The following UBB variants were observed in gnomAD, a reference collection of about 807,000 sequenced individuals.
UBB encodes the protein polyubiquitin-B.
In UBB, 11 loss-of-function variants were observed where a neutral mutation model predicts 12.5. The ratio of observed to expected loss-of-function variants is 0.88; its 90% CI spans 0.55 to 1.45. The LOEUF (loss-of-function observed/expected upper bound fraction) is 1.45. UBB is among the 40% of genes most tolerant of loss of function. The pLI, the probability that UBB is intolerant of heterozygous loss-of-function variation, is 0.00. For missense variants in UBB, 76 were observed against 286.9 expected (o/e 0.26, Z 5.31); for synonymous variants, 168 against 120.1 (o/e 1.40, Z -2.61).
In UBB at chr17:16,381,883, T is replaced by A. The variant is rs2093276831; in HGVS notation, c.-6-19T>A. 1.2e-6 allele frequency: 2 copies of A among 1,613,040 alleles called. No individual in the cohort carries two copies. The highest frequency in any genetic ancestry group is 2.2e-5 in the South Asian group (2 of 91,032). ...CAATGATCCTGAGGTGACACGCTTATGTTTTACTTTTAAACTAGGTCAAAA... is the reference window on the plus strand; with the variant it reads ...CAATGATCCTGAGGTGACACGCTTAAGTTTTACTTTTAAACTAGGTCAAAA... On this transcript the variant is annotated intron_variant, in intron 1 of 1. Coordinates refer to ENST00000302182, the MANE Select transcript of UBB (RefSeq NM_018955.4).
Position 16,381,140 on chromosome 17 carries a change from G to C in UBB, c.-51G>C, listed in dbSNP as rs1296766210. On this transcript the variant is annotated 5_prime_UTR_variant, in exon 1 of 2. Transcript: ENST00000302182. ...GGTGAGCTTGTTTGTGTCCCTGTGG[G>C]TGGACGTGGTTGGTGATTGGCAGGA... The C allele has an allele frequency of 6.6e-6, 1 of 152,222 alleles. No individual in the cohort carries two copies. The highest frequency in any genetic ancestry group is 2.4e-5 in the African/African-American group (1 of 41,222). 9.4% of individuals were successfully genotyped at this position (152,222 alleles called of 1,614,324 possible). A position where few individuals can be genotyped will look rare whatever the true frequency, so the allele number is the denominator to read the frequency against.
upstream of UBB, chr17:16,380,920 C>T (rs550280188): frequency 2.0e-5 from 3 of 153,646 alleles, no homozygotes; most frequent in Non-Finnish European, 1.5e-5. Flanking sequence ...TTTTTAGGAG[C>T]CTTTCTTACG....
upstream of UBB, chr17:16,381,046 GA>G (rs2093272883): frequency 6.5e-6 from 1 of 153,318 alleles, no homozygotes; most frequent in East Asian, 1.9e-4. Flanking sequence ...GGTGATAAGT[GA>G]CGCAACACTC....
At chr17:16,380,947 G>A (rs2093272502), upstream of UBB, 1 of 153,638 alleles carries the variant, frequency 6.5e-6, no homozygotes, top group Non-Finnish European at 1.5e-5. Flanking sequence ...AGGAATTTGG[G>A]GCTCAGTTGA....
Position 16,382,304 on chromosome 17 carries a change from T to G in UBB, c.397T>G (p.Ser133Ala). ...GKQLEDGRTLSDYNIQKESTL... is the reference protein window; with the variant it reads ...GKQLEDGRTLADYNIQKESTL... Reference sequence around the variant, plus strand: ...GCAGCTGGAAGATGGCCGCACTCTTTCTGACTACAACATCCAGAAGGAGTC... The same window carrying G: ...GCAGCTGGAAGATGGCCGCACTCTTGCTGACTACAACATCCAGAAGGAGTC... The change falls in exon 2 of 2, where the codon TCT (serine) becomes GCT (alanine). Residue 133 changes from serine to alanine, a missense_variant. Ser to Ala is a moderately conservative substitution (Grantham distance 99). Transcript: ENST00000302182. 6.2e-7 allele frequency: 1 copy of G among 1,602,348 alleles called. No homozygotes were observed. The highest frequency in any genetic ancestry group is 1.1e-5 in the South Asian group (1 of 90,676).
intron 1 of UBB, 180 bp from the exon 2 acceptor site, chr17:16,381,722 T>C: frequency 1.1e-6 from 1 of 889,250 alleles, no homozygotes; most frequent in South Asian, 1.8e-5. Context: ...CGTTGAAACC[T>C]TGAATGACGA....
chr17:16,382,642 T>C lies in UBB; in HGVS notation c.*45T>C. 6.2e-7 allele frequency: 1 copy of C among 1,606,018 alleles called. No individual in the cohort carries two copies. The highest frequency in any genetic ancestry group is 8.5e-7 in the Non-Finnish European group (1 of 1,175,098). Reference sequence around the variant, plus strand: ...GCAGTGCCCAGTGATGGCATTACTCTGCACTATAGCCATTTGCCCCAACTT... The same window carrying C: ...GCAGTGCCCAGTGATGGCATTACTCCGCACTATAGCCATTTGCCCCAACTT... On this transcript the variant is annotated 3_prime_UTR_variant, in exon 2 of 2. Coordinates refer to ENST00000302182, the MANE Select transcript of UBB (RefSeq NM_018955.4).
In UBB at chr17:16,382,656, T is replaced by G; in HGVS notation, c.*59T>G. 6.3e-7 allele frequency: 1 copy of G among 1,585,146 alleles called. No homozygotes were observed. The highest frequency in any genetic ancestry group is 8.6e-7 in the Non-Finnish European group (1 of 1,162,976). On this transcript the variant is annotated 3_prime_UTR_variant, in exon 2 of 2. Transcript: ENST00000302182. ...TGGCATTACTCTGCACTATAGCCAT[T>G]TGCCCCAACTTAAGTTTAGAAATTA...
intron 1 of UBB, 37 bp from the exon 2 acceptor site, chr17:16,381,865 C>A: frequency 6.2e-7 from 1 of 1,607,750 alleles, no homozygotes; most frequent in Non-Finnish European, 8.5e-7. Flanking sequence ...ATACAATGAT[C>A]CTGAGGTGAC....
Position 16,381,159 on chromosome 17 carries a change from G to T in UBB, c.-32G>T, listed in dbSNP as rs75327805. On this transcript the variant is annotated 5_prime_UTR_variant, in exon 1 of 2. Coordinates refer to ENST00000302182, the MANE Select transcript of UBB (RefSeq NM_018955.4). Reference sequence around the variant, plus strand: ...CTGTGGGTGGACGTGGTTGGTGATTGGCAGGATCCTGGTATCCGCTAACAG... The same window carrying T: ...CTGTGGGTGGACGTGGTTGGTGATTTGCAGGATCCTGGTATCCGCTAACAG... 1,028 of 152,146 alleles carry T rather than the reference G, an allele frequency of 6.8e-3. 3 individuals are homozygous for T. The highest frequency in any genetic ancestry group is 0.011 in the Non-Finnish European group (744 of 68,372). 9.4% of individuals were successfully genotyped at this position (152,146 alleles called of 1,614,324 possible).
upstream of UBB, chr17:16,381,034 G>A (rs1049196427): frequency 1.3e-5 from 2 of 153,574 alleles, no homozygotes; most frequent in African/African-American, 4.8e-5. Context: ...GTCTACGTGA[G>A]GGGTGATAAG....
intron 1 of UBB, 105 bp from the exon 2 acceptor site, chr17:16,381,797 A>G (rs1461205284): frequency 1.1e-5 from 15 of 1,366,484 alleles, no homozygotes; most frequent in African/African-American, 4.4e-5. Context: ...TAACGTATTT[A>G]AGGCATTTTG....
chr17:16,381,899 T>A lies in UBB; in HGVS notation c.-6-3T>A. 6 of 1,613,984 alleles carry A rather than the reference T, an allele frequency of 3.7e-6. No individual in the cohort carries two copies. Among genetic ancestry groups the A allele is most frequent in the Non-Finnish European group, 5.1e-6 (6 of 1,179,902 alleles). On this transcript the variant is annotated splice_polypyrimidine_tract_variant and splice_region_variant and intron_variant, in intron 1 of 1. Transcript: ENST00000302182. ...ACACGCTTATGTTTTACTTTTAAAC[T>A]AGGTCAAAATGCAGATCTTCGTGAA...
Position 16,381,894 on chromosome 17 carries a change from T to G in UBB, c.-6-8T>G, listed in dbSNP as rs754933132. 7.4e-6 allele frequency: 12 copies of G among 1,613,704 alleles called. No individual in the cohort carries two copies. The African/African-American group carries it at 1.2e-4, about 16-fold the overall frequency. ...AGGTGACACGCTTATGTTTTACTTT[T>G]AAACTAGGTCAAAATGCAGATCTTC... On this transcript the variant is annotated splice_polypyrimidine_tract_variant and splice_region_variant and intron_variant, in intron 1 of 1. Coordinates refer to ENST00000302182, the MANE Select transcript of UBB (RefSeq NM_018955.4).
At position 16,381,759 on chromosome 17, in the gene UBB, T is replaced by G. The variant is rs374724851; in HGVS notation, c.-6-143T>G. Reference sequence around the variant, plus strand: ...TTTCGTATTAAGTGACTTAGCCTTGTAAAATTGAGGGGAGGCTTGCGGAAT... The same window carrying G: ...TTTCGTATTAAGTGACTTAGCCTTGGAAAATTGAGGGGAGGCTTGCGGAAT... On this transcript the variant is annotated intron_variant, in intron 1 of 1. Coordinates refer to ENST00000302182, the MANE Select transcript of UBB (RefSeq NM_018955.4). 5.3e-6 allele frequency: 6 copies of G among 1,141,886 alleles called. No individual in the cohort carries two copies. In the African/African-American group the frequency reaches 7.9e-5, roughly 15 times the overall value. The allele number at this position is 1,141,886 out of a possible 1,614,324, so 70.7% of individuals were successfully genotyped here. A position where few individuals can be genotyped will look rare whatever the true frequency, so the allele number is the denominator to read the frequency against.
rs1443131116 is a variant in UBB at position 16,381,123 on chromosome 17, T to C, written c.-68T>C. 6.6e-6 allele frequency: 1 copy of C among 150,520 alleles called. No individual in the cohort carries two copies. The highest frequency in any genetic ancestry group is 1.5e-5 in the Non-Finnish European group (1 of 67,716). 9.3% of individuals were successfully genotyped at this position (150,520 alleles called of 1,614,324 possible). On this transcript the variant is annotated 5_prime_UTR_variant, in exon 1 of 2. Coordinates refer to ENST00000302182, the MANE Select transcript of UBB (RefSeq NM_018955.4). The stretch of plus-strand genomic sequence containing the variant: ...GGCGGTTGGCTTTGTTGGGTGAGCT[T>C]GTTTGTGTCCCTGTGGGTGGACGTG...
In UBB at chr17:16,382,279, G is replaced by A; in HGVS notation, c.372G>A (p.Lys124=). 6.2e-7 allele frequency: 1 copy of A among 1,608,640 alleles called. No homozygotes were observed. The highest frequency in any genetic ancestry group is 8.5e-7 in the Non-Finnish European group (1 of 1,179,058). The part of the protein sequence containing the change: ...PDQQRLIFAG[K]QLEDGRTLSD... ...AGCAGAGGCTCATCTTTGCAGGCAA[G>A]CAGCTGGAAGATGGCCGCACTCTTT... The change falls in exon 2 of 2, where the codon AAG becomes AAA. Residue 124 remains lysine (K), a synonymous_variant. Coordinates refer to ENST00000302182, the MANE Select transcript of UBB (RefSeq NM_018955.4).
chr17:16,380,793 A>C (rs532330620), upstream of UBB: 36 of 153,270 alleles, frequency 2.3e-4, no homozygotes, highest in African/African-American at 7.9e-4. Flanking sequence ...CCGGCGCTGC[A>C]AGGAAGTTTC....
At chr17:16,381,631 G>T (rs1434274586) in intron 1 of UBB, 2 of 510,946 alleles carry the variant, frequency 3.9e-6, no homozygotes, top group African/African-American at 3.9e-5. Context: ...GTTCGGTCGG[G>T]GGAGTTTGAA....
Sources: gnomAD v4.1 joint callset for allele counts on GRCh38, gnomAD v4.1.1 for gene constraint, MANE v1.5 for transcripts, NCBI Gene and HGNC (gene_info 2026-07-23, HGNC 2026-07-21) for gene names.